Variants in SHLD2 observed in about 807,000 individuals in gnomAD.
SHLD2 encodes the protein RINN1-REV7-interacting novel NHEJ regulator 2.
Under a neutral mutation model 73.2 loss-of-function variants are expected in SHLD2, and 30 were observed. The observed-to-expected ratio is 0.41, with a 90% CI of 0.31 to 0.56. The LOEUF (loss-of-function observed/expected upper bound fraction) is 0.56, where lower values mean the gene tolerates loss of function less well. Ranked by LOEUF, SHLD2 falls within the 20% of genes least tolerant of loss-of-function variation. SHLD2 has a pLI of 0.28. For missense variants in SHLD2, 745 were observed against 1,055.9 expected, an observed-to-expected ratio of 0.71 and a Z score of 4.08; for synonymous variants, 285 against 370.1, an observed-to-expected ratio of 0.77 and a Z score of 2.64.
In SHLD2 at chr10:87,170,794, G is replaced by A. The variant is rs372626253; in HGVS notation, c.1829-46G>A. 368 of 1,612,742 alleles carry A rather than the reference G, an allele frequency of 2.3e-4. 1 individual carries two copies. The highest frequency in any genetic ancestry group is 1.4e-3 in the African/African-American group (108 of 74,974). ...ATCAGCTATTAAAGTATGGTATCAC[G>A]TGTGATAGAGTAATGCCAACTAAGG... On this transcript the variant is annotated intron_variant, in intron 5 of 9. Coordinates refer to ENST00000298786, the MANE Select transcript of SHLD2 (RefSeq NM_001330112.2).
intron 2 of SHLD2, among the ~76,000 whole-genome samples, chr10:87,129,154 G>A (rs1210374040): frequency 2.0e-5 from 3 of 152,100 alleles, no homozygotes; most frequent in Non-Finnish European, 2.9e-5. Context: ...GCAGTGGTGC[G>A]ATCTCGGTTC....
At chr10:87,095,288 A>T (rs1290196556) in intron 1 of SHLD2, 40 bp downstream of exon 1, 3 of 138,016 alleles carry the variant, frequency 2.2e-5, no homozygotes, top group African/African-American at 8.3e-5. Flanking sequence ...GGTTGGGGGT[A>T]GCCCAGGGAG....
In SHLD2 at chr10:87,108,431, C is replaced by T. The variant is rs533723599; in HGVS notation, c.-6+11442C>T. On this transcript the variant is annotated intron_variant, in intron 2 of 9. Transcript: ENST00000298786. ...GAACCCCTAACCTCAAGTGATCCAC[C>T]GCCCCTTGGCCTACCAAAGTGCTGG... Among the ~76,000 whole-genome samples, 10 of 152,256 alleles carry T rather than the reference C, an allele frequency of 6.6e-5. No individual in the cohort carries two copies. In the East Asian group the frequency reaches 1.3e-3, roughly 21 times the overall value.
upstream of SHLD2, chr10:87,094,572 G>A: frequency 6.2e-7 from 1 of 1,611,924 alleles, no homozygotes; most frequent in Non-Finnish European, 8.5e-7. The surrounding 1 kb of genome is among the most constrained non-coding windows in gnomAD (Gnocchi z 6.6). Context: ...CCATCTTGAA[G>A]AAGTTGGGGT....
Position 87,108,676 on chromosome 10 carries a change from A to G in SHLD2, c.-6+11687A>G, listed in dbSNP as rs768554603. On this transcript the variant is annotated intron_variant, in intron 2 of 9. Transcript: ENST00000298786. ...AGGTAATAGAGAACAATCCTGCTAA[A>G]CAATCTTGCCACTTTAGGATAAAAA... Among the ~76,000 whole-genome samples, 43 of 152,356 alleles carry G rather than the reference A, an allele frequency of 2.8e-4. No homozygotes were observed. The East Asian group carries it at 3.9e-3, about 14-fold the overall frequency.
chr10:87,094,667 C>A (rs1218323827), upstream of SHLD2: 2 of 1,563,440 alleles, frequency 1.3e-6, no homozygotes. This position sits in a 1 kb window ranked among gnomAD's most constrained non-coding sequence, Gnocchi z 6.6. Flanking sequence ...GCGGGCTGTC[C>A]CCGGGCCCAG....
intron 1 of SHLD2, among the ~76,000 whole-genome samples, chr10:87,096,063 T>TGGAATCTTGCTCTGTCGCCCAGGCGGG (rs1841847446): frequency 6.6e-6 from 1 of 152,244 alleles, no homozygotes; most frequent in Non-Finnish European, 1.5e-5. Flanking sequence ...TTATTTGAGA[T>TGGAATCTTGCTCTGTCGCCCAGGCGGG]GGAATCTTGC....
At position 87,190,811 on chromosome 10, in the gene SHLD2, C is replaced by G. The variant is rs918351327; in HGVS notation, c.*128C>G. On this transcript the variant is annotated 3_prime_UTR_variant, in exon 10 of 10. Coordinates refer to ENST00000298786, the MANE Select transcript of SHLD2 (RefSeq NM_001330112.2). The stretch of plus-strand genomic sequence containing the variant: ...AATATATTTTACAAAGAGAATTGCA[C>G]TAGATATATAAATTAAAACTTTTTT... The G allele has an allele frequency of 6.0e-5, 44 of 729,908 alleles. No homozygotes were observed. Among genetic ancestry groups the G allele is most frequent in the Non-Finnish European group, 9.4e-5 (42 of 449,190 alleles). 45.2% of individuals were successfully genotyped at this position (729,908 alleles called of 1,614,324 possible). A position where few individuals can be genotyped will look rare whatever the true frequency, so the allele number is the denominator to read the frequency against.
chr10:87,139,998 G>GA (rs1047495610), intron 2 of SHLD2, among the ~76,000 whole-genome samples: 12 of 151,832 alleles, frequency 7.9e-5, no homozygotes, highest in African/African-American at 2.9e-4. Flanking sequence ...AGCACAAAGA[G>GA]AAAAAAAATA....
At chr10:87,134,311 A>G (rs1267547125) in intron 2 of SHLD2, among the ~76,000 whole-genome samples, 2 of 152,230 alleles carry the variant, frequency 1.3e-5, no homozygotes, top group African/African-American at 2.4e-5. Context: ...AACTCCAGAA[A>G]GTAATCAAAC....
rs1010898879 is a variant in SHLD2 at position 87,105,349 on chromosome 10, A to C, written c.-6+8360A>C. Reference sequence around the variant, plus strand: ...GACCATTCTAGAGGTGTTGCAGAAGAAACAGACTTTAGGTGAAGCATATAT... The same window carrying C: ...GACCATTCTAGAGGTGTTGCAGAAGCAACAGACTTTAGGTGAAGCATATAT... On this transcript the variant is annotated intron_variant, in intron 2 of 9. Transcript: ENST00000298786. Among the ~76,000 whole-genome samples the C allele has an allele frequency of 4.6e-5, 7 of 152,212 alleles. 1 individual carries two copies. The highest frequency in any genetic ancestry group is 1.7e-4 in the African/African-American group (7 of 41,456).
At chr10:87,184,653 C>T (rs1848505581) in intron 8 of SHLD2, among the ~76,000 whole-genome samples, 1 of 152,164 alleles carries the variant, frequency 6.6e-6, no homozygotes, top group African/African-American at 2.4e-5. Flanking sequence ...TCTGCAGTCT[C>T]ATCTGCTGCC....
chr10:87,119,296 T>G (rs1351436570), intron 2 of SHLD2, among the ~76,000 whole-genome samples: 1 of 152,228 alleles, frequency 6.6e-6, no homozygotes, highest in African/African-American at 2.4e-5. Context: ...TTATTAATGT[T>G]AAACTAGCTT....
intron 8 of SHLD2, among the ~76,000 whole-genome samples, chr10:87,185,088 C>T (rs556169930): frequency 6.6e-6 from 1 of 152,118 alleles, no homozygotes; most frequent in African/African-American, 2.4e-5. Context: ...ATTCCCCATG[C>T]CCCTCAACCT....
chr10:87,138,191 G>A (rs1038605897), intron 2 of SHLD2, among the ~76,000 whole-genome samples: 7 of 151,958 alleles, frequency 4.6e-5, no homozygotes, highest in East Asian at 1.9e-4. Context: ...CCAGCTACTC[G>A]GGAGGCTGAG....
At chr10:87,149,325 T>C (rs889263732) in intron 2 of SHLD2, among the ~76,000 whole-genome samples, 5 of 151,908 alleles carry the variant, frequency 3.3e-5, no homozygotes, top group Non-Finnish European at 5.9e-5. Flanking sequence ...ATAGAACAGC[T>C]AATATACCAG....
intron 2 of SHLD2, among the ~76,000 whole-genome samples, chr10:87,124,036 A>G (rs915135363): frequency 3.3e-5 from 5 of 151,886 alleles, no homozygotes; most frequent in African/African-American, 1.2e-4. Context: ...TGAATCTTGG[A>G]TTTGAAATGA....
At chr10:87,158,821 G>T (rs1846615555) in intron 4 of SHLD2, among the ~76,000 whole-genome samples, 1 of 152,180 alleles carries the variant, frequency 6.6e-6, no homozygotes, top group Non-Finnish European at 1.5e-5. Flanking sequence ...GACTCAGATA[G>T]ACCAGGATTT....
chr10:87,153,580 C>A (rs1445725118), intron 3 of SHLD2, among the ~76,000 whole-genome samples: 4 of 152,104 alleles, frequency 2.6e-5, no homozygotes, highest in Non-Finnish European at 5.9e-5. Flanking sequence ...TAGAGTGTTG[C>A]CTTCCAGTTA....
Sources: allele counts gnomAD v4.1 joint callset (sites outside exome capture counted in the v4.1 genomes callset), GRCh38; gene constraint gnomAD v4.1.1; non-coding constraint Gnocchi (gnomAD v3.1); transcripts MANE v1.5; gene names NCBI Gene and HGNC (gene_info 2026-07-23, HGNC 2026-07-21).